Variants in PAX3 observed in about 807,000 individuals in gnomAD.
The protein encoded by PAX3 is paired box protein Pax-3.
A neutral mutation model predicts 51.6 loss-of-function variants in PAX3; 14 were observed. The observed-to-expected ratio is 0.27, with a 90% CI of 0.18 to 0.42. The LOEUF is 0.42. Among genes scored for constraint, PAX3 ranks in the 10% least tolerant of loss-of-function variants. The pLI is 1.00. For synonymous variants in PAX3, 280 were observed against 253.4 expected, an observed-to-expected ratio of 1.11 and a Z score of -1.00; for missense variants, 540 against 642.8, an observed-to-expected ratio of 0.84 and a Z score of 1.73.
intron 7 of PAX3, among the ~76,000 whole-genome samples, chr2:222,206,407 T>C (rs951414984): frequency 2.0e-5 from 3 of 152,044 alleles, no homozygotes; most frequent in Non-Finnish European, 4.4e-5. Flanking sequence ...AAAAAAAATC[T>C]GTTGAGCAGA....
intron 4 of PAX3, among the ~76,000 whole-genome samples, chr2:222,283,603 G>T (rs966118053): frequency 2.6e-5 from 4 of 152,194 alleles, no homozygotes; most frequent in Non-Finnish European, 5.9e-5. Flanking sequence ...CCCTTTGGTG[G>T]CTGAGAGTTG....
intron 1 of PAX3, 38 bp from the exon 2 acceptor site, chr2:222,297,251 A>C: frequency 6.9e-7 from 1 of 1,449,348 alleles, no homozygotes; most frequent in Non-Finnish European, 9.5e-7. Flanking sequence ...GGGAAAAGTC[A>C]CTGGAGGAAA....
intron 6 of PAX3, 90 bp from the exon 7 acceptor site, chr2:222,220,444 A>G (rs1183479032): frequency 2.5e-6 from 3 of 1,194,952 alleles, no homozygotes; most frequent in Non-Finnish European, 3.7e-6. Flanking sequence ...CCAGGCCATC[A>G]GGAGCATCTA....
At chr2:222,212,286 GA>G (rs1198568418) in intron 7 of PAX3, among the ~76,000 whole-genome samples, 1 of 151,954 alleles carries the variant, frequency 6.6e-6, no homozygotes, top group Non-Finnish European at 1.5e-5. Context: ...ATTTTTGTGA[GA>G]AAAAAGAAGA....
At chr2:222,258,705 G>A (rs186903337) in intron 4 of PAX3, among the ~76,000 whole-genome samples, 1 of 152,254 alleles carries the variant, frequency 6.6e-6, no homozygotes, top group Non-Finnish European at 1.5e-5. Context: ...CTTTAAGCTT[G>A]GGACTTGATT....
intron 7 of PAX3, among the ~76,000 whole-genome samples, chr2:222,212,491 T>G (rs965856287): frequency 6.6e-6 from 1 of 152,130 alleles, no homozygotes; most frequent in Non-Finnish European, 1.5e-5. Flanking sequence ...ATCGCTAATC[T>G]CAGAAACTCT....
chr2:222,274,860 C>A (rs754746217), intron 4 of PAX3, among the ~76,000 whole-genome samples: 5 of 152,150 alleles, frequency 3.3e-5, no homozygotes, highest in Non-Finnish European at 5.9e-5. Context: ...AACAAATTCA[C>A]GCCATATCTC....
chr2:222,253,532 A>C (rs1042773671), intron 4 of PAX3, among the ~76,000 whole-genome samples: 1 of 152,228 alleles, frequency 6.6e-6, no homozygotes, highest in East Asian at 1.9e-4. Context: ...CAGAGTCCAG[A>C]GAATAGGACA....
At chr2:222,222,251 G>A (rs1212518870) in intron 5 of PAX3, among the ~76,000 whole-genome samples, 1 of 151,898 alleles carries the variant, frequency 6.6e-6, no homozygotes, top group East Asian at 1.9e-4. Context: ...GCCTTTCATG[G>A]GTCCTGTGCT....
Position 222,200,021 on chromosome 2 carries a change from C to T in PAX3, c.*1387G>A, listed in dbSNP as rs1288796625. ...ATAGTACTTCTCTTGTTCCATCACCCTCTAAGACCAATGCATGAACTAAAT... is the reference window on the plus strand; with the variant it reads ...ATAGTACTTCTCTTGTTCCATCACCTTCTAAGACCAATGCATGAACTAAAT... On this transcript the variant is annotated 3_prime_UTR_variant, in exon 9 of 9. Coordinates refer to ENST00000392070, the MANE Select transcript of PAX3 (RefSeq NM_181458.4). The T allele has an allele frequency of 4.4e-5, 9 of 203,812 alleles. No individual in the cohort carries two copies. The highest frequency in any genetic ancestry group is 1.8e-4 in the Admixed American group (3 of 16,664). 12.6% of individuals were successfully genotyped at this position (203,812 alleles called of 1,614,324 possible). A position where few individuals can be genotyped will look rare whatever the true frequency, so the allele number is the denominator to read the frequency against.
Position 222,220,262 on chromosome 2 carries a change from T to C in PAX3, c.1051A>G (p.Ser351Gly), listed in dbSNP as rs753902442. ...QSTIPSNPDS[S>G]SAYCLPSTRH... ...GTGCTGGGGAGGCAGTAGGCAGAGCTGCTGTCTGGGTTGGAAGGAATCGTG... is the reference window on the plus strand; with the variant it reads ...GTGCTGGGGAGGCAGTAGGCAGAGCCGCTGTCTGGGTTGGAAGGAATCGTG... Residue 351 changes from serine to glycine, a missense_variant, in exon 7 of 9, where the codon AGC becomes GGC. Ser to Gly is a moderately conservative substitution (Grantham distance 56). Around this residue, in one of 3 missense-constraint regions of PAX3, gnomAD observed 427 missense variants for 483.6 expected, o/e 0.88. Transcript: ENST00000392070. 1.9e-6 allele frequency: 3 copies of C among 1,614,064 alleles called. No individual in the cohort carries two copies. In the South Asian group the frequency reaches 3.3e-5, roughly 18 times the overall value.
intron 4 of PAX3, among the ~76,000 whole-genome samples, chr2:222,272,096 G>A (rs1246347770): frequency 2.6e-5 from 4 of 152,174 alleles, no homozygotes; most frequent in Non-Finnish European, 5.9e-5. Context: ...CCTGGGATCT[G>A]ATGAATGTTT....
At chr2:222,293,395 G>A (rs1019556869) in intron 4 of PAX3, among the ~76,000 whole-genome samples, 1 of 152,082 alleles carries the variant, frequency 6.6e-6, no homozygotes. Flanking sequence ...CTTGCGGCAG[G>A]TGAAGGGGAA....
chr2:222,211,412 T>C (rs1417699961), intron 7 of PAX3, among the ~76,000 whole-genome samples: 1 of 152,188 alleles, frequency 6.6e-6, no homozygotes, highest in Non-Finnish European at 1.5e-5. Context: ...ATACCCACAC[T>C]GCAATCACTT....
At chr2:222,280,854 C>T (rs1694623327) in intron 4 of PAX3, among the ~76,000 whole-genome samples, 1 of 152,222 alleles carries the variant, frequency 6.6e-6, no homozygotes, top group Non-Finnish European at 1.5e-5. Flanking sequence ...CCTCTAACCC[C>T]TGCACTCTTA....
intron 4 of PAX3, among the ~76,000 whole-genome samples, chr2:222,239,910 C>T (rs1339857539): frequency 6.6e-6 from 1 of 152,078 alleles, no homozygotes; most frequent in East Asian, 1.9e-4. Flanking sequence ...CTAATTAAGA[C>T]CCTCCAGCCA....
At chr2:222,288,930 T>C (rs1159137588) in intron 4 of PAX3, among the ~76,000 whole-genome samples, 1 of 152,236 alleles carries the variant, frequency 6.6e-6, no homozygotes, top group African/African-American at 2.4e-5. Flanking sequence ...AGATGACCAC[T>C]GAGGGGCCGC....
chr2:222,292,332 G>A (rs559855781), intron 4 of PAX3, among the ~76,000 whole-genome samples: 1 of 152,130 alleles, frequency 6.6e-6, no homozygotes, highest in Non-Finnish European at 1.5e-5. Context: ...AAGCTGCTCC[G>A]AGCTGGAGCT....
intron 5 of PAX3, among the ~76,000 whole-genome samples, chr2:222,222,376 T>C (rs890807211): frequency 6.6e-6 from 1 of 152,074 alleles, no homozygotes; most frequent in Non-Finnish European, 1.5e-5. Context: ...ACTAAAGATA[T>C]TCTAATTCCT....
Sources: gnomAD v4.1 joint callset for allele counts (sites outside exome capture counted in the v4.1 genomes callset) on GRCh38, gnomAD v4.1.1 for gene constraint, gnomAD v4.1.1 regional missense constraint, MANE v1.5 for transcripts, NCBI Gene and HGNC (gene_info 2026-07-23, HGNC 2026-07-21) for gene names.